The following SFMBT2 variants were observed in gnomAD, a reference collection of about 807,000 sequenced individuals.
The protein encoded by SFMBT2 is Scm like with four mbt domains 2.
A neutral mutation model predicts 110.1 loss-of-function variants in SFMBT2; 38 were observed. The ratio of observed to expected loss-of-function variants is 0.35; its 90% CI spans 0.27 to 0.45. SFMBT2 has a LOEUF of 0.45. Ranked by LOEUF, SFMBT2 falls within the 20% of genes least tolerant of loss-of-function variation. The pLI is 1.00. For missense variants in SFMBT2, 1,011 were observed against 1,094.9 expected, an observed-to-expected ratio of 0.92 and a Z score of 1.08; for synonymous variants, 425 against 425.4, an observed-to-expected ratio of 1.00 and a Z score of 0.01.
At chr10:7,249,668 A>G in intron 7 of SFMBT2, 1 of 477,792 alleles carries the variant, frequency 2.1e-6, no homozygotes, top group Non-Finnish European at 2.7e-6. Context: ...GACTGCACAG[A>G]GCCCAGTCGG....
chr10:7,301,258 T>A lies in SFMBT2; in HGVS notation c.437-15304A>T, dbSNP rs770337331. 2.6e-5 allele frequency among the ~76,000 whole-genome samples: 4 copies of A among 152,230 alleles called. No individual in the cohort carries two copies. Among genetic ancestry groups the A allele is most frequent in the Non-Finnish European group, 5.9e-5 (4 of 68,042 alleles). On this transcript the variant is annotated intron_variant, in intron 4 of 20. Transcript: ENST00000397167. This position sits in a 1 kb window ranked among gnomAD's most constrained non-coding sequence, Gnocchi z 4.2. ...GGCAGTTATTAGCGTCTTTATGTCA[T>A]GTGCAAATCAGCGTGAGACACTAGT...
chr10:7,206,814 G>GA (rs934575652), intron 11 of SFMBT2: 26 of 957,540 alleles, frequency 2.7e-5, no homozygotes, highest in Non-Finnish European at 3.0e-5. Context: ...CAATAGTTAA[G>GA]AAAAAAACAC....
intron 7 of SFMBT2, among the ~76,000 whole-genome samples, chr10:7,276,235 A>G (rs1037046911): frequency 6.6e-6 from 1 of 152,194 alleles, no homozygotes; most frequent in Non-Finnish European, 1.5e-5. Flanking sequence ...CATCAAGAAA[A>G]CTGAACCACC....
chr10:7,343,201 C>T (rs892296506), intron 4 of SFMBT2, among the ~76,000 whole-genome samples: 2 of 151,564 alleles, frequency 1.3e-5, no homozygotes, highest in African/African-American at 4.9e-5. Context: ...ATCCATGTTG[C>T]TGCAAAGGAC....
intron 4 of SFMBT2, among the ~76,000 whole-genome samples, chr10:7,350,362 A>G (rs1844272647): frequency 6.6e-6 from 1 of 152,102 alleles, no homozygotes; most frequent in Admixed American, 6.5e-5. Context: ...ATCTTAGAAA[A>G]TTAGAAAATC....
At chr10:7,348,064 A>C in intron 4 of SFMBT2, 1 of 383,322 alleles carries the variant, frequency 2.6e-6, no homozygotes, top group Non-Finnish European at 4.6e-6. Flanking sequence ...CATTACTCCA[A>C]ATAACAGTAC....
At chr10:7,213,620 T>C (rs997956099) in intron 11 of SFMBT2, among the ~76,000 whole-genome samples, 2 of 152,138 alleles carry the variant, frequency 1.3e-5, no homozygotes, top group South Asian at 4.1e-4. Flanking sequence ...GTGAGTTCTG[T>C]TCTGGAAATG....
chr10:7,371,920 A>ATTT (rs762872004), intron 2 of SFMBT2, among the ~76,000 whole-genome samples: 17,799 of 77,716 alleles, frequency 0.23, 2,587 homozygotes, highest in Middle Eastern at 0.36. Context: ...TCCACCTGTA[A>ATTT]TTTTTTTTTT....
At chr10:7,277,766 A>C (rs554096196) in intron 6 of SFMBT2, among the ~76,000 whole-genome samples, 1 of 152,366 alleles carries the variant, frequency 6.6e-6, no homozygotes, top group Admixed American at 6.5e-5. Flanking sequence ...CTGGAAGTAG[A>C]TATGTTTATG....
In SFMBT2 at chr10:7,171,954, C is replaced by T. The variant is rs1288533649; in HGVS notation, c.2356G>A (p.Ala786Thr). The stretch of plus-strand genomic sequence containing the variant: ...TCCCCTTCCTCTGCTGAGGAGGCAG[C>T]CGGCGCCCCGCGGCCCCTTCGTGTC... ...ERTRRGRGAP[A>T]ASSAEEGEKC... Residue 786 changes from alanine to threonine, a missense_variant, in exon 19 of 21, where the codon GCT becomes ACT. This residue lies in a region of SFMBT2 where 979 missense variants were observed against 1,016.1 expected (regional missense o/e 0.96). Transcript: ENST00000397167. The surrounding 1 kb of genome is among the most constrained non-coding windows in gnomAD (Gnocchi z 4.9). The T allele has an allele frequency of 2.7e-6, 4 of 1,473,936 alleles. No individual in the cohort carries two copies. Among genetic ancestry groups the T allele is most frequent in the African/African-American group, 1.4e-5 (1 of 70,228 alleles). The allele number at this position is 1,473,936 out of a possible 1,614,324, so 91.3% of individuals were successfully genotyped here. A position where few individuals can be genotyped will look rare whatever the true frequency, so the allele number is the denominator to read the frequency against.
chr10:7,285,955 C>T lies in SFMBT2; in HGVS notation c.437-1G>A, dbSNP rs995549838. 1.1e-6 allele frequency: 1 copy of T among 870,200 alleles called. No homozygotes were observed. The highest frequency in any genetic ancestry group is 1.6e-5 in the African/African-American group (1 of 61,232). The allele number at this position is 870,200 out of a possible 1,614,324, so 53.9% of individuals were successfully genotyped here. A position where few individuals can be genotyped will look rare whatever the true frequency, so the allele number is the denominator to read the frequency against. ...CAGTCTGTGTACTTCTCTTTGATTG[C>T]TGGCAAGACAAAGGAGAAAGAAAAA... On this transcript the variant is annotated splice_acceptor_variant, in intron 4 of 20. Transcript: ENST00000397167. LOFTEE classifies it high-confidence loss of function.
chr10:7,392,983 TTATATATATA>T (rs760008467), intron 1 of SFMBT2, among the ~76,000 whole-genome samples: 2,502 of 59,708 alleles, frequency 0.042, 68 homozygotes, highest in East Asian at 0.11. Context: ...TGTGGATAGA[TTATATATATA>T]TATATATATA....
In SFMBT2 at chr10:7,393,156, G is replaced by A. The variant is rs370012795; in HGVS notation, c.-51-11207C>T. ...AGTGATTCTCCTGCCTCAGCCTCCC[G>A]AGTAGCTGGGATTACACGTGCATGT... is the stretch of plus-strand genomic sequence containing the variant. On this transcript the variant is annotated intron_variant, in intron 1 of 20. Transcript: ENST00000397167. 2.6e-4 allele frequency among the ~76,000 whole-genome samples: 40 copies of A among 150,950 alleles called. 1 individual carries two copies. In the South Asian group the frequency reaches 6.9e-3, roughly 26 times the overall value.
intron 7 of SFMBT2, among the ~76,000 whole-genome samples, chr10:7,255,477 T>C (rs1840971336): frequency 6.6e-6 from 1 of 152,210 alleles, no homozygotes; most frequent in African/African-American, 2.4e-5. Context: ...AAAACTGCTC[T>C]CCTTTAATAA....
At chr10:7,251,461 G>A (rs1840809043) in intron 7 of SFMBT2, among the ~76,000 whole-genome samples, 1 of 152,122 alleles carries the variant, frequency 6.6e-6, no homozygotes, top group Admixed American at 6.5e-5. Flanking sequence ...GTGACAGGGT[G>A]AGACTCCATC....
chr10:7,176,402 A>C, intron 16 of SFMBT2: 1 of 858,414 alleles, frequency 1.2e-6, no homozygotes, highest in African/African-American at 1.8e-5. Context: ...AAACACCCCC[A>C]CATGTAGCAC....
chr10:7,202,897 C>G (rs758248321), intron 12 of SFMBT2: 138 of 985,238 alleles, frequency 1.4e-4, no homozygotes, highest in Non-Finnish European at 1.6e-4. Flanking sequence ...TGTGATGAAG[C>G]AAATCATGTT....
rs773864570 is a variant in SFMBT2, at chr10:7,197,706, T to C, written c.1559-19A>G. On this transcript the variant is annotated intron_variant, in intron 14 of 20. Coordinates refer to ENST00000397167, the MANE Select transcript of SFMBT2 (RefSeq NM_001387889.1). ...ACGGTTCCTGCAGGGGACAGCAACA[T>C]AGTCCATGCTTAGGACCACAGCCCC... 5 of 1,612,334 alleles carry C rather than the reference T, an allele frequency of 3.1e-6. No homozygotes were observed. In the African/African-American group the frequency reaches 5.3e-5, roughly 17 times the overall value.
At chr10:7,220,892 T>G (rs111992488) in intron 10 of SFMBT2, among the ~76,000 whole-genome samples, 3,066 of 151,114 alleles carry the variant, frequency 0.02, 44 homozygotes, top group Middle Eastern at 0.031. Flanking sequence ...AGTGGCGTGA[T>G]CTCGGCTCAC....
Sources: allele counts gnomAD v4.1 joint callset (sites outside exome capture counted in the v4.1 genomes callset), GRCh38; gene constraint gnomAD v4.1.1; regional missense constraint gnomAD v4.1.1; non-coding constraint Gnocchi (gnomAD v3.1); transcripts MANE v1.5; gene names NCBI Gene and HGNC (gene_info 2026-07-23, HGNC 2026-07-21).